TRABD2B: variants seen among roughly 807,000 people sequenced by gnomAD.
TRABD2B encodes the protein TraB domain containing 2B, also known as metalloprotease TIKI2.
TRABD2B carries 14 observed loss-of-function variants against 40.1 expected under a neutral mutation model. The ratio of observed to expected loss-of-function variants is 0.35; its 90% CI spans 0.23 to 0.55. The LOEUF (loss-of-function observed/expected upper bound fraction) is 0.55. TRABD2B is among the 20% of genes least tolerant of loss of function. The probability of loss-of-function intolerance (pLI) is 0.90; values close to 1 mark genes in which losing one functional copy is unlikely to be tolerated. For missense variants in TRABD2B, 541 were observed against 648.6 expected (o/e 0.83, Z 1.80); for synonymous variants, 263 against 277.0 (o/e 0.95, Z 0.50).
intron 2 of TRABD2B, among the ~76,000 whole-genome samples, chr1:47,943,684 G>C (rs1570338162): frequency 6.6e-6 from 1 of 150,744 alleles, no homozygotes; most frequent in East Asian, 2.0e-4. Flanking sequence ...CCTCAAAAAA[G>C]CAAAACAAAA....
chr1:47,941,375 T>A (rs532994888), intron 2 of TRABD2B, among the ~76,000 whole-genome samples: 40 of 152,194 alleles, frequency 2.6e-4, no homozygotes, highest in African/African-American at 9.2e-4. Context: ...CACATGAATA[T>A]ACACACAAAC....
chr1:47,964,584 A>G (rs1557683838), intron 2 of TRABD2B, among the ~76,000 whole-genome samples: 1 of 152,184 alleles, frequency 6.6e-6, no homozygotes, highest in Non-Finnish European at 1.5e-5. Flanking sequence ...AAGATGACAG[A>G]GTTTGAGCCA....
chr1:47,872,798 G>T (rs934518696), intron 2 of TRABD2B, among the ~76,000 whole-genome samples: 1 of 152,286 alleles, frequency 6.6e-6, no homozygotes, highest in African/African-American at 2.4e-5. Flanking sequence ...GGAGTGGGGG[G>T]AAGGCTGGGA....
intron 2 of TRABD2B, among the ~76,000 whole-genome samples, chr1:47,928,468 ATCTGCACTCCACAACC>A (rs1644997924): frequency 6.6e-6 from 1 of 152,212 alleles, no homozygotes; most frequent in South Asian, 2.1e-4. Flanking sequence ...CTTTGCCTTC[ATCTGCACTCCACAACC>A]TCTAAACTCC....
At position 47,794,724 on chromosome 1, in the gene TRABD2B, C is replaced by A. The variant is rs1236008749; in HGVS notation, c.850G>T (p.Glu284Ter). 1 of 1,533,032 alleles carries A rather than the reference C, an allele frequency of 6.5e-7. No homozygotes were observed. The highest frequency in any genetic ancestry group is 8.7e-7 in the Non-Finnish European group (1 of 1,145,018). 95.0% of individuals were successfully genotyped at this position (1,533,032 alleles called of 1,614,324 possible). A position where few individuals can be genotyped will look rare whatever the true frequency, so the allele number is the denominator to read the frequency against. ...TCAATCTCCTGGGCCGTCACCTGCTCGTGTGGCGGGAGGGTGGTGTTGATA... is the reference window on the plus strand; with the variant it reads ...TCAATCTCCTGGGCCGTCACCTGCTAGTGTGGCGGGAGGGTGGTGTTGATA... ...NFINTTLPPH[E>*]QVTAQEIDSY... The change falls in exon 4 of 7, where the codon GAG (glutamate) becomes TAG (stop). Residue 284 changes from glutamate to a stop codon, truncating the protein, a stop_gained. Transcript: ENST00000606738. LOFTEE classifies it high-confidence loss of function.
intron 2 of TRABD2B, among the ~76,000 whole-genome samples, chr1:47,976,617 A>G (rs1037783545): frequency 6.6e-6 from 1 of 152,226 alleles, no homozygotes; most frequent in African/African-American, 2.4e-5. Flanking sequence ...ATGGTAGAAA[A>G]GGGCAAGGAG....
chr1:47,932,279 A>T (rs1208917830), intron 2 of TRABD2B, among the ~76,000 whole-genome samples: 1 of 152,156 alleles, frequency 6.6e-6, no homozygotes, highest in Non-Finnish European at 1.5e-5. Context: ...GCTGGGTGGG[A>T]TTCCCTGGAG....
chr1:47,916,922 C>G (rs6701116), intron 2 of TRABD2B, among the ~76,000 whole-genome samples: 14,198 of 152,290 alleles, frequency 0.093, 904 homozygotes, highest in Non-Finnish European at 0.14. Context: ...AGGCACTAGC[C>G]AAAGCACTGT....
chr1:47,803,543 A>G (rs1644851411), intron 2 of TRABD2B, among the ~76,000 whole-genome samples: 1 of 152,178 alleles, frequency 6.6e-6, no homozygotes, highest in Admixed American at 6.5e-5. Context: ...CCCAGCCAAG[A>G]TCAGCAGAGA....
chr1:47,830,890 G>A (rs72894211), intron 2 of TRABD2B, among the ~76,000 whole-genome samples: 4,898 of 152,276 alleles, frequency 0.032, 279 homozygotes, highest in African/African-American at 0.11. Context: ...TGAGCCCGAA[G>A]AATGTTTCCA....
chr1:47,888,115 T>C (rs1291466565), intron 2 of TRABD2B, among the ~76,000 whole-genome samples: 1 of 152,222 alleles, frequency 6.6e-6, no homozygotes, highest in African/African-American at 2.4e-5. Flanking sequence ...TCCATAGCCA[T>C]GTCCCCAGAC....
rs1644267442 is a variant in TRABD2B, at chr1:47,763,612, CCTT to C, written c.*2287_*2289del. 1 of 152,216 alleles carries C rather than the reference CCTT, an allele frequency of 6.6e-6. No individual in the cohort carries two copies. The highest frequency in any genetic ancestry group is 1.5e-5 in the Non-Finnish European group (1 of 68,046). 9.4% of individuals were successfully genotyped at this position (152,216 alleles called of 1,614,324 possible). A position where few individuals can be genotyped will look rare whatever the true frequency, so the allele number is the denominator to read the frequency against. On this transcript the variant is annotated 3_prime_UTR_variant, in exon 7 of 7. Transcript: ENST00000606738. ...AGTAATTACAAGCTGCATTAATTTA[CCTT>C]CTTGGCTCAGTGCCTGGCACAGATC...
chr1:47,896,206 C>T (rs10890512), intron 2 of TRABD2B, among the ~76,000 whole-genome samples: 73,805 of 152,146 alleles, frequency 0.49, 19,912 homozygotes, highest in South Asian at 0.66. Context: ...TCAGGGCTGC[C>T]GCACAAAGGG....
intron 2 of TRABD2B, among the ~76,000 whole-genome samples, chr1:47,913,967 G>C (rs1430855023): frequency 6.6e-6 from 1 of 152,198 alleles, no homozygotes; most frequent in Non-Finnish European, 1.5e-5. Flanking sequence ...CCGAATAAAT[G>C]GCAGAGTCAG....
At chr1:47,828,055 G>C (rs1645199431) in intron 2 of TRABD2B, among the ~76,000 whole-genome samples, 1 of 152,124 alleles carries the variant, frequency 6.6e-6, no homozygotes, top group Non-Finnish European at 1.5e-5. Flanking sequence ...CTGTTAACTG[G>C]GGACAATGAG....
chr1:47,809,315 A>G (rs6698119), intron 2 of TRABD2B, among the ~76,000 whole-genome samples: 48,843 of 152,018 alleles, frequency 0.32, 8,258 homozygotes, highest in South Asian at 0.54. Context: ...CATCTTGACT[A>G]TGTTCCCAGA....
chr1:47,919,124 G>A (rs4927234), intron 2 of TRABD2B, among the ~76,000 whole-genome samples: 3,575 of 152,280 alleles, frequency 0.023, 108 homozygotes, highest in Admixed American at 0.09. Context: ...TCCCCAGTTC[G>A]TGCAGGCAGA....
At chr1:47,840,015 T>C (rs543707012) in intron 2 of TRABD2B, among the ~76,000 whole-genome samples, 1 of 152,308 alleles carries the variant, frequency 6.6e-6, no homozygotes, top group Admixed American at 6.5e-5. Flanking sequence ...TGTGAGTTCC[T>C]GGAGAGTGTT....
At chr1:47,870,856 C>T (rs960422056) in intron 2 of TRABD2B, among the ~76,000 whole-genome samples, 6 of 152,088 alleles carry the variant, frequency 3.9e-5, no homozygotes, top group Non-Finnish European at 8.8e-5. Context: ...TCTTGAAGGA[C>T]AATGGGATTG....
Sources: gnomAD v4.1 joint callset for allele counts (sites outside exome capture counted in the v4.1 genomes callset) on GRCh38, gnomAD v4.1.1 for gene constraint, MANE v1.5 for transcripts, NCBI Gene and HGNC (gene_info 2026-07-23, HGNC 2026-07-21) for gene names.